The following SPRY3 variants were observed in gnomAD, a reference collection of about 807,000 sequenced individuals.
The protein encoded by SPRY3 is protein sprouty homolog 3.
SPRY3 carries 15 observed loss-of-function variants against 20.2 expected under a neutral mutation model. The ratio of observed to expected loss-of-function variants is 0.74; its 90% CI spans 0.50 to 1.14. The LOEUF (loss-of-function observed/expected upper bound fraction) is 1.14. Among genes scored for constraint, SPRY3 ranks in the 50% most tolerant of loss-of-function variants. The pLI, the probability that SPRY3 is intolerant of heterozygous loss-of-function variation, is 0.00. For synonymous variants in SPRY3, 143 were observed against 136.5 expected, an observed-to-expected ratio of 1.05 and a Z score of -0.33; for missense variants, 364 against 363.9, an observed-to-expected ratio of 1.00 and a Z score of 0.00.
At chrX:155,727,422 C>T (rs1349088423) in intron 2 of SPRY3, among the ~76,000 whole-genome samples, 3 of 152,120 alleles carry the variant, frequency 2.0e-5, no homozygotes, top group East Asian at 1.9e-4. Context: ...CCATTCTCCC[C>T]GTCACTTTCA....
At chrX:155,707,146 A>G (rs1269176269) in intron 2 of SPRY3, among the ~76,000 whole-genome samples, 1 of 151,110 alleles carries the variant, frequency 6.6e-6, no homozygotes, top group African/African-American at 2.4e-5. Flanking sequence ...TTTTTTTCCA[A>G]GCACTGCTTA....
chrX:155,727,443 T>C (rs755323679), intron 2 of SPRY3, among the ~76,000 whole-genome samples: 1 of 152,318 alleles, frequency 6.6e-6, no homozygotes, highest in Non-Finnish European at 1.5e-5. Flanking sequence ...GGTACACCTA[T>C]CAGATGTAGA....
chrX:155,778,006 A>G (rs925252900), downstream of SPRY3: 12 of 167,014 alleles, frequency 7.2e-5, no homozygotes, highest in Non-Finnish European at 1.8e-4. Flanking sequence ...CATGTTATTT[A>G]TATTAGCTCA....
At chrX:155,718,011 C>T (rs956164776) in intron 2 of SPRY3, among the ~76,000 whole-genome samples, 2 of 152,154 alleles carry the variant, frequency 1.3e-5, no homozygotes, top group African/African-American at 4.8e-5. Context: ...AACTACCATG[C>T]TGATTGAGCT....
chrX:155,644,425 G>C (rs1331366708), intron 1 of SPRY3, among the ~76,000 whole-genome samples: 1 of 110,542 alleles, frequency 9.0e-6, no homozygotes, highest in Non-Finnish European at 1.9e-5. Context: ...TTTCCTTTCA[G>C]GGCAGTGCGT....
At chrX:155,756,552 G>C (rs1477406659) in intron 2 of SPRY3, among the ~76,000 whole-genome samples, 1 of 152,082 alleles carries the variant, frequency 6.6e-6, no homozygotes, top group Admixed American at 6.6e-5. Flanking sequence ...CAGATGTCAT[G>C]CTTGTGTGAC....
intron 2 of SPRY3, among the ~76,000 whole-genome samples, chrX:155,707,967 A>C (rs2090962449): frequency 6.6e-6 from 1 of 151,196 alleles, no homozygotes; most frequent in Admixed American, 6.6e-5. Flanking sequence ...TATTTTCTAC[A>C]TGTGTCATAT....
intron 2 of SPRY3, among the ~76,000 whole-genome samples, chrX:155,700,173 G>T (rs973842733): frequency 1.8e-5 from 2 of 108,398 alleles, no homozygotes; most frequent in Non-Finnish European, 3.8e-5. Context: ...ATAAACAAAT[G>T]GCCAATAAGC....
Position 155,773,753 on chromosome X carries a change from C to T in SPRY3, c.-106-13C>T. ...TGTGTTCTCATTTACTGTTTTTATGCCTTCTCTCCTAGGATTTTCTCATGT... is the reference window on the plus strand; with the variant it reads ...TGTGTTCTCATTTACTGTTTTTATGTCTTCTCTCCTAGGATTTTCTCATGT... On this transcript the variant is annotated splice_polypyrimidine_tract_variant and intron_variant, in intron 3 of 3. Coordinates refer to ENST00000675360, the Ensembl canonical transcript of SPRY3. 1 of 1,203,940 alleles carries T rather than the reference C, an allele frequency of 8.3e-7. No homozygotes were observed. The highest frequency in any genetic ancestry group is 1.2e-6 in the Non-Finnish European group (1 of 849,126). 74.6% of individuals were successfully genotyped at this position (1,203,940 alleles called of 1,614,324 possible).
At chrX:155,621,817 G>A (rs1013011783) in intron 1 of SPRY3, among the ~76,000 whole-genome samples, 20 of 111,600 alleles carry the variant, frequency 1.8e-4, no homozygotes, top group African/African-American at 6.5e-4. Context: ...AGCAGCCAAA[G>A]GTATTCAAGG....
chrX:155,726,131 G>T (rs1349110988), intron 2 of SPRY3, among the ~76,000 whole-genome samples: 1 of 152,128 alleles, frequency 6.6e-6, no homozygotes, highest in Non-Finnish European at 1.5e-5. Context: ...GTGCAGTTTT[G>T]AGTGAGTTTA....
intron 1 of SPRY3, among the ~76,000 whole-genome samples, chrX:155,655,518 GAGTTA>G (rs1312159444): frequency 9.0e-6 from 1 of 111,325 alleles, no homozygotes; most frequent in Non-Finnish European, 1.9e-5. Flanking sequence ...ACTCCGTTTT[GAGTTA>G]ATTTTTGTAT....
At chrX:155,751,581 C>T (rs934979439) in intron 2 of SPRY3, among the ~76,000 whole-genome samples, 1 of 151,758 alleles carries the variant, frequency 6.6e-6, no homozygotes. Context: ...GTTGTGACTT[C>T]TACATTTAAG....
At chrX:155,717,741 C>CT (rs1284499814) in intron 2 of SPRY3, among the ~76,000 whole-genome samples, 1 of 152,042 alleles carries the variant, frequency 6.6e-6, no homozygotes, top group Admixed American at 6.6e-5. Context: ...TGAACTCATC[C>CT]TTTTTTATGG....
intron 2 of SPRY3, among the ~76,000 whole-genome samples, chrX:155,723,056 C>G (rs76918904): frequency 6.6e-6 from 1 of 151,228 alleles, no homozygotes; most frequent in African/African-American, 2.4e-5. Context: ...CCTTGTGATA[C>G]TTTGCTCAGA....
At chrX:155,773,398 A>G (rs1440257723) in intron 3 of SPRY3, among the ~76,000 whole-genome samples, 2 of 149,188 alleles carry the variant, frequency 1.3e-5, no homozygotes, top group African/African-American at 2.5e-5. Flanking sequence ...GCATTGCTTC[A>G]GAAAATAGCC....
intron 2 of SPRY3, among the ~76,000 whole-genome samples, chrX:155,675,200 A>G (rs971091990): frequency 8.9e-6 from 1 of 111,887 alleles, no homozygotes; most frequent in African/African-American, 3.2e-5. Flanking sequence ...CTAACCTACT[A>G]ACCCTGTGAA....
intron 2 of SPRY3, among the ~76,000 whole-genome samples, chrX:155,748,919 C>T (rs977303510): frequency 1.1e-4 from 16 of 151,480 alleles, no homozygotes; most frequent in African/African-American, 3.9e-4. Flanking sequence ...AACAGGCAAC[C>T]GAGAATCATC....
At chrX:155,743,807 C>G (rs2091214143) in intron 2 of SPRY3, among the ~76,000 whole-genome samples, 2 of 151,768 alleles carry the variant, frequency 1.3e-5, no homozygotes, top group Admixed American at 1.3e-4. Context: ...GTGTTGATAA[C>G]TTGAAAAACA....
Sources: gnomAD v4.1 joint callset for allele counts (sites outside exome capture counted in the v4.1 genomes callset) on GRCh38, gnomAD v4.1.1 for gene constraint, MANE v1.5 for transcripts, NCBI Gene and HGNC (gene_info 2026-07-23, HGNC 2026-07-21) for gene names.